The following CLSTN2 variants were observed in gnomAD, a reference collection of about 807,000 sequenced individuals.
CLSTN2 encodes the protein calsyntenin 2, also known as calsyntenin-2.
In CLSTN2, 48 loss-of-function variants were observed where a neutral mutation model predicts 101.2. The observed-to-expected ratio is 0.47, with a 90% CI of 0.38 to 0.60. The LOEUF is 0.60. Among genes scored for constraint, CLSTN2 ranks in the 20% least tolerant of loss-of-function variants. The probability of loss-of-function intolerance (pLI) is 0.00; values close to 1 mark genes in which losing one functional copy is unlikely to be tolerated. For synonymous variants in CLSTN2, 481 were observed against 463.6 expected, an observed-to-expected ratio of 1.04 and a Z score of -0.48; for missense variants, 1,160 against 1,238.2, an observed-to-expected ratio of 0.94 and a Z score of 0.95.
At position 140,135,157 on chromosome 3, in the gene CLSTN2, T is replaced by A. The variant is rs992550568; in HGVS notation, c.110-40794T>A. Among the ~76,000 whole-genome samples the A allele has an allele frequency of 1.8e-5, 2 of 111,120 alleles. 1 individual carries two copies. Among genetic ancestry groups the A allele is most frequent in the South Asian group, 5.8e-4 (2 of 3,434 alleles). The allele number at this position is 111,120 out of a possible 152,430, so 72.9% of individuals were successfully genotyped here. A position where few individuals can be genotyped will look rare whatever the true frequency, so the allele number is the denominator to read the frequency against. On this transcript the variant is annotated intron_variant, in intron 1 of 16. Transcript: ENST00000458420. ...ATATATATATATATATATATATATATATATAAAATATGCTGGGTATTACAG... is the reference window on the plus strand; with the variant it reads ...ATATATATATATATATATATATATAAATATAAAATATGCTGGGTATTACAG...
At chr3:140,396,494 T>A (rs910883900) in intron 2 of CLSTN2, among the ~76,000 whole-genome samples, 61 of 152,310 alleles carry the variant, frequency 4.0e-4, no homozygotes, top group African/African-American at 1.5e-3. Context: ...AATTACACAG[T>A]GCTTAGCATA....
rs1560105527 is a variant in CLSTN2 at position 140,135,107 on chromosome 3, CACACACACACATATATATATATATAT to C, written c.110-40842_110-40817del. Among the ~76,000 whole-genome samples, 111 of 52,480 alleles carry C rather than the reference CACACACACACATATATATATATATAT, an allele frequency of 2.1e-3. 1 individual carries two copies. The highest frequency in any genetic ancestry group is 0.011 in the African/African-American group (108 of 9,542). The allele number at this position is 52,480 out of a possible 152,430, so 34.4% of individuals were successfully genotyped here. ...AAAAAAACACACACACACACACACACACACACACACATATATATATATATATATATATATATATATATATATATATA... is the reference window on the plus strand; with the variant it reads ...AAAAAAACACACACACACACACACACATATATATATATATATATATATATA... On this transcript the variant is annotated intron_variant, in intron 1 of 16. Transcript: ENST00000458420.
chr3:140,512,750 G>A (rs1934839820), intron 8 of CLSTN2, among the ~76,000 whole-genome samples: 1 of 152,144 alleles, frequency 6.6e-6, no homozygotes, highest in African/African-American at 2.4e-5. Flanking sequence ...CATGATCATA[G>A]AATGTCTTTC....
intron 8 of CLSTN2, among the ~76,000 whole-genome samples, chr3:140,526,118 A>T (rs535492617): frequency 3.0e-4 from 46 of 152,268 alleles, no homozygotes; most frequent in Non-Finnish European, 5.0e-4. Context: ...ATCCAAATAG[A>T]AAAAGAAGTC....
intron 2 of CLSTN2, among the ~76,000 whole-genome samples, chr3:140,276,929 C>G (rs115498193): frequency 0.01 from 1,579 of 152,242 alleles, 38 homozygotes; most frequent in African/African-American, 0.037. Flanking sequence ...CAGGGAGAGG[C>G]AGGCCCTTGA....
At chr3:140,218,777 C>T (rs1253601120) in intron 2 of CLSTN2, among the ~76,000 whole-genome samples, 1 of 152,120 alleles carries the variant, frequency 6.6e-6, no homozygotes, top group Non-Finnish European at 1.5e-5. Flanking sequence ...GTGTTTGGGA[C>T]ACAATTTGTT....
chr3:140,426,945 C>T (rs539727198), intron 5 of CLSTN2, among the ~76,000 whole-genome samples: 17 of 151,962 alleles, frequency 1.1e-4, no homozygotes, highest in East Asian at 5.8e-4. Context: ...GAGGCCGAGG[C>T]GGGTGGATCA....
At chr3:140,196,917 G>A (rs1159152449) in intron 2 of CLSTN2, among the ~76,000 whole-genome samples, 7 of 152,160 alleles carry the variant, frequency 4.6e-5, no homozygotes, top group Non-Finnish European at 8.8e-5. Flanking sequence ...TTCAGAGGTC[G>A]TTGGCAATTC....
chr3:140,087,429 G>A (rs955546135), intron 1 of CLSTN2, among the ~76,000 whole-genome samples: 2 of 152,164 alleles, frequency 1.3e-5, no homozygotes, highest in Non-Finnish European at 2.9e-5. Flanking sequence ...CCTCTGCCCT[G>A]TTATTAATAG....
intron 2 of CLSTN2, among the ~76,000 whole-genome samples, chr3:140,321,428 G>A (rs2087282040): frequency 6.6e-6 from 1 of 152,000 alleles, no homozygotes; most frequent in Admixed American, 6.6e-5. Context: ...CCCAGGAGTG[G>A]CCTGTATTGT....
chr3:140,521,679 C>T (rs1935028160), intron 8 of CLSTN2, among the ~76,000 whole-genome samples: 1 of 152,214 alleles, frequency 6.6e-6, no homozygotes, highest in Admixed American at 6.5e-5. Flanking sequence ...GGGACCCTTC[C>T]TTGTCCAGAC....
intron 1 of CLSTN2, among the ~76,000 whole-genome samples, chr3:140,029,431 G>A (rs968514116): frequency 6.6e-6 from 1 of 152,164 alleles, no homozygotes; most frequent in African/African-American, 2.4e-5. Context: ...TGTAAAGGAG[G>A]CTGGGAGAAA....
At chr3:140,294,598 C>A (rs2086985015) in intron 2 of CLSTN2, among the ~76,000 whole-genome samples, 1 of 150,802 alleles carries the variant, frequency 6.6e-6, no homozygotes, top group South Asian at 2.1e-4. Flanking sequence ...GAAACAGAAA[C>A]TCCATGAGCC....
chr3:140,453,301 G>T (rs1422347526), intron 6 of CLSTN2: 3 of 152,154 alleles, frequency 2.0e-5, no homozygotes, highest in Non-Finnish European at 1.5e-5. Flanking sequence ...AAAGACCACA[G>T]AGTAAGAGCA....
At chr3:140,240,686 A>G (rs2086459889) in intron 2 of CLSTN2, among the ~76,000 whole-genome samples, 1 of 152,160 alleles carries the variant, frequency 6.6e-6, no homozygotes, top group Non-Finnish European at 1.5e-5. Flanking sequence ...AAGCTAGGTG[A>G]TCCTTGACCT....
intron 1 of CLSTN2, among the ~76,000 whole-genome samples, chr3:140,092,100 C>G (rs1317923373): frequency 6.6e-6 from 1 of 152,314 alleles, no homozygotes; most frequent in East Asian, 1.9e-4. Context: ...TGTGAGAATA[C>G]TTCAGCATCT....
intron 1 of CLSTN2, among the ~76,000 whole-genome samples, chr3:140,008,721 A>G (rs1426028): frequency 0.88 from 133,835 of 152,256 alleles, 58,912 homozygotes; most frequent in South Asian, 0.92. Context: ...TTACAATTTG[A>G]CTCCAGAAGG....
At position 139,997,047 on chromosome 3, in the gene CLSTN2, C is replaced by CAAA. The variant is rs369329154; in HGVS notation, c.109+61581_109+61583dup. On this transcript the variant is annotated intron_variant, in intron 1 of 16. Transcript: ENST00000458420. The stretch of plus-strand genomic sequence containing the variant: ...GGGCAACAAGAGCAAGACTCTGTCT[C>CAAA]AAAAAAAAAAAAAAAAAAAGAAAAG... Among the ~76,000 whole-genome samples, 234 of 84,836 alleles carry CAAA rather than the reference C, an allele frequency of 2.8e-3. 3 individuals carry two copies. Among genetic ancestry groups the CAAA allele is most frequent in the African/African-American group, 6.4e-3 (114 of 17,800 alleles). 55.7% of individuals were successfully genotyped at this position (84,836 alleles called of 152,430 possible).
At chr3:140,196,678 G>A (rs1398548200) in intron 2 of CLSTN2, among the ~76,000 whole-genome samples, 2 of 152,166 alleles carry the variant, frequency 1.3e-5, no homozygotes, top group South Asian at 4.1e-4. Context: ...ACAGAAAGAG[G>A]CAGCCAGAAC....
Sources: allele counts gnomAD v4.1 joint callset (sites outside exome capture counted in the v4.1 genomes callset), GRCh38; gene constraint gnomAD v4.1.1; transcripts MANE v1.5; gene names NCBI Gene and HGNC (gene_info 2026-07-23, HGNC 2026-07-21).